CEP128: variants seen among roughly 807,000 people sequenced by gnomAD.
CEP128 encodes the protein centrosomal protein 128kDa.
In CEP128, 132 loss-of-function variants were observed where a neutral mutation model predicts 156.7. The ratio of observed to expected loss-of-function variants is 0.84; its 90% CI spans 0.73 to 0.97. The LOEUF is 0.97. Among genes scored for constraint, CEP128 ranks in the 50% least tolerant of loss-of-function variants. The probability of loss-of-function intolerance (pLI) is 0.00; values close to 1 mark genes in which losing one functional copy is unlikely to be tolerated. For synonymous variants in CEP128, 469 were observed against 448.9 expected, an observed-to-expected ratio of 1.04 and a Z score of -0.57; for missense variants, 1,252 against 1,281.9, an observed-to-expected ratio of 0.98 and a Z score of 0.36.
intron 19 of CEP128, among the ~76,000 whole-genome samples, chr14:80,686,244 C>T (rs1169349219): frequency 6.6e-6 from 1 of 152,012 alleles, no homozygotes; most frequent in Non-Finnish European, 1.5e-5. Flanking sequence ...TCAGCAGAAA[C>T]CCCACAAGCA....
chr14:80,705,695 G>A (rs1897218858), intron 19 of CEP128, among the ~76,000 whole-genome samples: 6 of 152,092 alleles, frequency 3.9e-5, no homozygotes, highest in Admixed American at 3.3e-4. Flanking sequence ...ACTGTTACCT[G>A]GGACACTTGT....
rs2140166867 is a variant in CEP128 at position 80,497,020 on chromosome 14, T to C, written c.*459A>G. 1 of 128,616 alleles carries C rather than the reference T, an allele frequency of 7.8e-6. No homozygotes were observed. Among genetic ancestry groups the C allele is most frequent in the South Asian group, 2.7e-4 (1 of 3,712 alleles). The allele number at this position is 128,616 out of a possible 1,614,324, so 8.0% of individuals were successfully genotyped here. A position where few individuals can be genotyped will look rare whatever the true frequency, so the allele number is the denominator to read the frequency against. On this transcript the variant is annotated 3_prime_UTR_variant, in exon 25 of 25. Transcript: ENST00000555265. ...GCACATCTCCACATGTTATAACACA[T>C]GATAATTTATTAGGGAGAAAATTTT...
chr14:80,821,037 T>C (rs1345312478), intron 13 of CEP128, among the ~76,000 whole-genome samples: 2 of 152,198 alleles, frequency 1.3e-5, no homozygotes, highest in African/African-American at 4.8e-5. Context: ...TGTTATGTAT[T>C]AGGAACTAAA....
chr14:80,517,327 A>G (rs1888535957), intron 23 of CEP128, among the ~76,000 whole-genome samples: 1 of 152,076 alleles, frequency 6.6e-6, no homozygotes, highest in African/African-American at 2.4e-5. Flanking sequence ...TATTGATTTG[A>G]AACATTTTTT....
intron 19 of CEP128, among the ~76,000 whole-genome samples, chr14:80,699,329 C>T (rs1896992871): frequency 1.3e-5 from 2 of 152,154 alleles, no homozygotes; most frequent in South Asian, 4.1e-4. Context: ...TCTCCCATTA[C>T]CGCCCATGCA....
chr14:80,837,430 C>A (rs1886134092), intron 11 of CEP128, among the ~76,000 whole-genome samples: 1 of 151,870 alleles, frequency 6.6e-6, no homozygotes, highest in African/African-American at 2.4e-5. Flanking sequence ...TAAAATTAAG[C>A]CTTATCGGCC....
chr14:80,585,823 TATG>T (rs1381411042), intron 19 of CEP128, among the ~76,000 whole-genome samples: 2 of 152,260 alleles, frequency 1.3e-5, no homozygotes, highest in Non-Finnish European at 2.9e-5. Flanking sequence ...AAAGTAAATT[TATG>T]ATATTTCTAT....
intron 19 of CEP128, among the ~76,000 whole-genome samples, chr14:80,637,575 G>A (rs1894238181): frequency 6.6e-6 from 1 of 152,128 alleles, no homozygotes; most frequent in African/African-American, 2.4e-5. Flanking sequence ...AACTACTCCG[G>A]ATAAGAACTC....
intron 21 of CEP128, among the ~76,000 whole-genome samples, chr14:80,558,341 T>G (rs1968656): frequency 0.57 from 86,233 of 151,722 alleles, 24,868 homozygotes; most frequent in East Asian, 0.72. Flanking sequence ...TGCACTGGAG[T>G]GCAGTGGCAT....
chr14:80,800,192 T>C lies in CEP128; in HGVS notation c.1210-7082A>G, dbSNP rs542085047. Among the ~76,000 whole-genome samples the C allele has an allele frequency of 1.5e-3, 231 of 152,222 alleles. 2 individuals are homozygous for C. Among genetic ancestry groups the C allele is most frequent in the African/African-American group, 3.7e-3 (152 of 41,524 alleles). ...CTCTCTTTGTACTCTTTATTTCTTA[T>C]GGAAAATAGAAAGAACCTACACTGA... On this transcript the variant is annotated intron_variant, in intron 13 of 24. Coordinates refer to ENST00000555265, the MANE Select transcript of CEP128 (RefSeq NM_152446.5).
At chr14:80,767,321 G>A (rs537043228) in intron 16 of CEP128, among the ~76,000 whole-genome samples, 1 of 152,122 alleles carries the variant, frequency 6.6e-6, no homozygotes, top group African/African-American at 2.4e-5. Flanking sequence ...AACACATCAA[G>A]TGCTGGTCAC....
At chr14:80,527,007 T>C (rs1566758195) in intron 22 of CEP128, 25 bp from the exon 23 acceptor site, 2 of 1,069,588 alleles carry the variant, frequency 1.9e-6, no homozygotes. Flanking sequence ...AAGCAAAGGG[T>C]CTGAACTGGT....
chr14:80,513,122 G>A (rs1888334860), intron 23 of CEP128, among the ~76,000 whole-genome samples: 1 of 152,066 alleles, frequency 6.6e-6, no homozygotes, highest in Non-Finnish European at 1.5e-5. Flanking sequence ...ACGTCAGACT[G>A]AAGGACTCCC....
chr14:80,575,835 T>C (rs948513346), intron 20 of CEP128, among the ~76,000 whole-genome samples: 2 of 152,172 alleles, frequency 1.3e-5, no homozygotes, highest in African/African-American at 2.4e-5. Flanking sequence ...GGAAAATGAA[T>C]AGTAAAAATT....
At chr14:80,802,653 G>A (rs763309511) in intron 13 of CEP128, among the ~76,000 whole-genome samples, 17 of 150,132 alleles carry the variant, frequency 1.1e-4, no homozygotes, top group African/African-American at 1.7e-4. Context: ...CATGTATCCC[G>A]TTTTTTTTTA....
Position 80,785,013 on chromosome 14 carries a change from T to C in CEP128, c.2093A>G (p.Lys698Arg), listed in dbSNP as rs1901322957. ...ACTCTGCAATGATGATGTGAGATCT[T>C]TCAGCTCCCTCTGGTGCACATCTCG... Reference protein sequence around the residue: ...LERDVHQRELKDLTSSLQSVK... With the variant: ...LERDVHQRELRDLTSSLQSVK... Residue 698 changes from lysine to arginine, a missense_variant, in exon 15 of 25, where the codon AAA (lysine) becomes AGA (arginine). Coordinates refer to ENST00000555265, the MANE Select transcript of CEP128 (RefSeq NM_152446.5). The C allele has an allele frequency of 6.2e-7, 1 of 1,614,208 alleles. No homozygotes were observed. Among genetic ancestry groups the C allele is most frequent in the South Asian group, 1.1e-5 (1 of 91,078 alleles).
At chr14:80,666,905 T>G (rs1270242371) in intron 19 of CEP128, among the ~76,000 whole-genome samples, 1 of 152,126 alleles carries the variant, frequency 6.6e-6, no homozygotes, top group Non-Finnish European at 1.5e-5. Context: ...CCAATCAGAA[T>G]GGCATAGTAA....
At chr14:80,583,868 C>A (rs1891693679) in intron 19 of CEP128, among the ~76,000 whole-genome samples, 1 of 152,170 alleles carries the variant, frequency 6.6e-6, no homozygotes, top group Admixed American at 6.5e-5. Context: ...GAAGAACTTT[C>A]TAGTCCACCT....
intron 19 of CEP128, among the ~76,000 whole-genome samples, chr14:80,677,312 C>G (rs1256919437): frequency 1.3e-5 from 2 of 151,970 alleles, no homozygotes; most frequent in Non-Finnish European, 2.9e-5. Flanking sequence ...GAGTTCAAGA[C>G]CAGCCTGGCC....
Sources: gnomAD v4.1 joint callset for allele counts (sites outside exome capture counted in the v4.1 genomes callset) on GRCh38, gnomAD v4.1.1 for gene constraint, MANE v1.5 for transcripts, NCBI Gene and HGNC (gene_info 2026-07-23, HGNC 2026-07-21) for gene names.